The following ALPK2 variants were observed in gnomAD, a reference collection of about 807,000 sequenced individuals.
ALPK2 encodes alpha-protein kinase 2.
ALPK2 carries 127 observed loss-of-function variants against 163.1 expected under a neutral mutation model. That is an observed-to-expected ratio of 0.78 (90% CI 0.67 to 0.90). The LOEUF (loss-of-function observed/expected upper bound fraction) is 0.90. Ranked by LOEUF, ALPK2 falls within the 40% of genes least tolerant of loss-of-function variation. The probability of loss-of-function intolerance (pLI) is 0.00; values close to 1 mark genes in which losing one functional copy is unlikely to be tolerated. For synonymous variants in ALPK2, 953 were observed against 959.1 expected, an observed-to-expected ratio of 0.99 and a Z score of 0.12; for missense variants, 2,360 against 2,589.6, an observed-to-expected ratio of 0.91 and a Z score of 1.92.
At chr18:58,614,192 A>G (rs896953955) in intron 1 of ALPK2, among the ~76,000 whole-genome samples, 1 of 152,080 alleles carries the variant, frequency 6.6e-6, no homozygotes, top group African/African-American at 2.4e-5. Context: ...AAAGAGAGAA[A>G]ACTGCTTGGG....
chr18:58,517,445 A>C (rs1041154300), intron 8 of ALPK2, among the ~76,000 whole-genome samples: 1 of 152,244 alleles, frequency 6.6e-6, no homozygotes, highest in Non-Finnish European at 1.5e-5. Context: ...CAGGAAAAGA[A>C]TTCTAGACAG....
chr18:58,596,057 A>G (rs1037613326), intron 3 of ALPK2, among the ~76,000 whole-genome samples: 8 of 152,302 alleles, frequency 5.3e-5, no homozygotes, highest in South Asian at 2.1e-4. Flanking sequence ...TCCCTACTCA[A>G]TGACTGGCAA....
intron 11 of ALPK2, among the ~76,000 whole-genome samples, chr18:58,501,702 CAG>C (rs2051432127): frequency 1.3e-5 from 2 of 152,170 alleles, no homozygotes; most frequent in African/African-American, 4.8e-5. Flanking sequence ...TGACAGCAGA[CAG>C]AGACAATCAC....
At chr18:58,603,496 G>A (rs2052082163) in intron 3 of ALPK2, among the ~76,000 whole-genome samples, 4 of 152,226 alleles carry the variant, frequency 2.6e-5, no homozygotes, top group Admixed American at 2.6e-4. Context: ...CTTTAGCCCA[G>A]GCAGGAGCGG....
chr18:58,577,075 C>T (rs1349702839), intron 4 of ALPK2, among the ~76,000 whole-genome samples: 6 of 152,160 alleles, frequency 3.9e-5, no homozygotes, highest in Admixed American at 6.5e-5. Flanking sequence ...AGTGTGTAAG[C>T]GAGACCTTCC....
intron 3 of ALPK2, among the ~76,000 whole-genome samples, chr18:58,598,145 G>C (rs968479365): frequency 6.6e-6 from 1 of 152,234 alleles, no homozygotes; most frequent in Admixed American, 6.5e-5. Context: ...CCCTCTCACG[G>C]ACCACGCCCA....
At chr18:58,522,953 T>G (rs1243126091) in intron 8 of ALPK2, among the ~76,000 whole-genome samples, 4 of 151,924 alleles carry the variant, frequency 2.6e-5, no homozygotes, top group Admixed American at 6.5e-5. Flanking sequence ...AGGGTACATG[T>G]GCCCAATGTG....
At chr18:58,556,889 T>G (rs374719707) in intron 4 of ALPK2, among the ~76,000 whole-genome samples, 2 of 152,178 alleles carry the variant, frequency 1.3e-5, no homozygotes, top group Non-Finnish European at 2.9e-5. Flanking sequence ...AGACTTTGCA[T>G]GATGAAAGCT....
At chr18:58,551,573 TC>T (rs1337323901) in intron 4 of ALPK2, among the ~76,000 whole-genome samples, 1 of 152,216 alleles carries the variant, frequency 6.6e-6, no homozygotes, top group East Asian at 1.9e-4. Flanking sequence ...AGCAATCCAT[TC>T]TTTTTCCAGC....
At chr18:58,526,304 G>A (rs1295087393) in intron 6 of ALPK2, among the ~76,000 whole-genome samples, 1 of 152,152 alleles carries the variant, frequency 6.6e-6, no homozygotes, top group African/African-American at 2.4e-5. Context: ...ACTTCTCTGA[G>A]AGATCCCATC....
intron 4 of ALPK2, among the ~76,000 whole-genome samples, chr18:58,551,888 A>G (rs377099819): frequency 1.3e-4 from 20 of 152,254 alleles, no homozygotes; most frequent in African/African-American, 2.6e-4. Flanking sequence ...ATGAAGACCA[A>G]CCCATGCCTG....
At chr18:58,528,898 A>T in intron 6 of ALPK2, 193 bp downstream of exon 6, 1 of 675,428 alleles carries the variant, frequency 1.5e-6, no homozygotes, top group Non-Finnish European at 2.4e-6. Flanking sequence ...AACCTGGGCA[A>T]GAATCCTCCA....
intron 2 of ALPK2, among the ~76,000 whole-genome samples, chr18:58,609,947 C>T (rs1002898179): frequency 1.3e-5 from 2 of 152,020 alleles, no homozygotes; most frequent in African/African-American, 4.8e-5. Context: ...CTTGGAGAGG[C>T]TGAGCGCACA....
intron 4 of ALPK2, among the ~76,000 whole-genome samples, chr18:58,558,042 C>G (rs868512334): frequency 6.6e-6 from 1 of 152,136 alleles, no homozygotes; most frequent in Non-Finnish European, 1.5e-5. Context: ...GTTAGTGAGG[C>G]TTGAAATATG....
chr18:58,566,673 A>T (rs1222014540), intron 4 of ALPK2: 2 of 152,194 alleles, frequency 1.3e-5, no homozygotes, highest in Non-Finnish European at 2.9e-5. Context: ...ACAGCTGTAA[A>T]ATGCACACCT....
At position 58,535,773 on chromosome 18, in the gene ALPK2, C is replaced by T; in HGVS notation, c.4414G>A (p.Glu1472Lys). ...TCAGCCTCCTGCTTCATACTGCCTT[C>T]TTGGCTTCTGCTGATTCTATTTTCA... ...LSENRISRSQ[E>K]GSMKQEAEQI... Residue 1472 changes from glutamate (E) to lysine (K), a missense_variant, in exon 5 of 13, where the codon GAA (glutamate) becomes AAA (lysine). By Grantham distance (56) the Glu-to-Lys change is moderately conservative. Coordinates refer to ENST00000361673, the MANE Select transcript of ALPK2 (RefSeq NM_052947.4). The T allele has an allele frequency of 6.2e-7, 1 of 1,614,254 alleles. No homozygotes were observed. The highest frequency in any genetic ancestry group is 8.5e-7 in the Non-Finnish European group (1 of 1,180,034).
chr18:58,493,425 G>C (rs4318290), intron 12 of ALPK2, among the ~76,000 whole-genome samples: 101,845 of 151,660 alleles, frequency 0.67, 34,821 homozygotes, highest in Middle Eastern at 0.77. Flanking sequence ...CTCCAAGTTT[G>C]TTTTGGCGCT....
intron 1 of ALPK2, among the ~76,000 whole-genome samples, chr18:58,621,852 A>G (rs2052202252): frequency 1.3e-5 from 2 of 152,196 alleles, no homozygotes; most frequent in Admixed American, 1.3e-4. Flanking sequence ...CATGTGCCCA[A>G]CAGTGTGTTG....
At chr18:58,538,407 T>A in intron 4 of ALPK2, 183 bp from the exon 5 acceptor site, 4 of 598,476 alleles carry the variant, frequency 6.7e-6, no homozygotes, top group East Asian at 3.0e-5. Context: ...ACTGCAAATT[T>A]AAGCAACTCT....
Sources: allele counts gnomAD v4.1 joint callset (sites outside exome capture counted in the v4.1 genomes callset), GRCh38; gene constraint gnomAD v4.1.1; transcripts MANE v1.5; gene names NCBI Gene and HGNC (gene_info 2026-07-23, HGNC 2026-07-21).